Variants in ATP11B observed in about 807,000 individuals in gnomAD.
ATP11B encodes phospholipid-transporting ATPase IF.
Under a neutral mutation model 157.8 loss-of-function variants are expected in ATP11B, and 81 were observed. That is an observed-to-expected ratio of 0.51 (90% CI 0.43 to 0.62). ATP11B has a LOEUF of 0.62. ATP11B is among the 20% of genes least tolerant of loss of function. The pLI is 0.00. For missense variants in ATP11B, 1,165 were observed against 1,402.2 expected (o/e 0.83, Z 2.70); for synonymous variants, 451 against 469.4 (o/e 0.96, Z 0.51).
intron 28 of ATP11B, among the ~76,000 whole-genome samples, chr3:182,909,202 A>C (rs1724592604): frequency 6.6e-6 from 1 of 152,252 alleles, no homozygotes; most frequent in Admixed American, 6.5e-5. Context: ...TGTCATTGAC[A>C]TGAAAATAAT....
At chr3:182,895,760 C>T (rs1396141509) in intron 25 of ATP11B, among the ~76,000 whole-genome samples, 3 of 151,818 alleles carry the variant, frequency 2.0e-5, no homozygotes, top group Non-Finnish European at 2.9e-5. Flanking sequence ...CAGGTGTGGG[C>T]GGGAGGGGTC....
chr3:182,824,471 G>A lies in ATP11B; in HGVS notation c.145-3649G>A, dbSNP rs185803877. 1.9e-4 allele frequency among the ~76,000 whole-genome samples: 29 copies of A among 152,020 alleles called. No homozygotes were observed. The East Asian group carries it at 3.9e-3, about 20-fold the overall frequency. ...TTTTTTGAAATTAAACTCTCTTCCC[G>A]TTTCCATCTATATTTTGGACATTTT... On this transcript the variant is annotated intron_variant, in intron 2 of 29. Transcript: ENST00000323116.
chr3:182,830,345 A>G (rs1718040547), intron 4 of ATP11B, among the ~76,000 whole-genome samples: 1 of 151,874 alleles, frequency 6.6e-6, no homozygotes, highest in Admixed American at 6.6e-5. Flanking sequence ...AAAAATGTAT[A>G]GTCCTTTTCT....
intron 23 of ATP11B, 54 bp from the exon 24 acceptor site, chr3:182,887,532 T>C: frequency 6.5e-7 from 1 of 1,534,428 alleles, no homozygotes; most frequent in Non-Finnish European, 8.8e-7. Flanking sequence ...GTCATATGCA[T>C]AATAGTAATG....
intron 13 of ATP11B, 24 bp downstream of exon 13, chr3:182,865,722 A>G (rs1272853892): frequency 1.9e-6 from 3 of 1,567,682 alleles, no homozygotes; most frequent in African/African-American, 1.4e-5. Flanking sequence ...AAATTAATAA[A>G]TAAGGGTTTC....
intron 12 of ATP11B, among the ~76,000 whole-genome samples, chr3:182,863,016 C>T (rs371567604): frequency 6.6e-6 from 1 of 151,732 alleles, no homozygotes; most frequent in Admixed American, 6.6e-5. Context: ...CCTGGGTTCA[C>T]GCCATTCTCC....
chr3:182,889,093 C>G (rs1722995358), intron 24 of ATP11B, among the ~76,000 whole-genome samples: 1 of 151,762 alleles, frequency 6.6e-6, no homozygotes, highest in African/African-American at 2.4e-5. Context: ...GATCTCTTAA[C>G]CTTGTGATCC....
intron 1 of ATP11B, among the ~76,000 whole-genome samples, chr3:182,796,269 G>T (rs922155792): frequency 2.0e-5 from 3 of 152,074 alleles, no homozygotes; most frequent in Admixed American, 2.0e-4. Flanking sequence ...TTCTCTTATG[G>T]TGTCTTTGTG....
rs1394003413 is a variant in ATP11B, at chr3:182,918,198, T to C, written c.*94T>C. On this transcript the variant is annotated 3_prime_UTR_variant, in exon 30 of 30. Coordinates refer to ENST00000323116, the MANE Select transcript of ATP11B (RefSeq NM_014616.3). ...ATGGCCACACTAGCTCTGAAATTAATTTCCAAAATCTTTGTAGTAGTTCAT... is the reference window on the plus strand; with the variant it reads ...ATGGCCACACTAGCTCTGAAATTAACTTCCAAAATCTTTGTAGTAGTTCAT... 6.4e-7 allele frequency: 1 copy of C among 1,552,468 alleles called. No homozygotes were observed. Among genetic ancestry groups the C allele is most frequent in the Non-Finnish European group, 8.7e-7 (1 of 1,146,646 alleles).
intron 18 of ATP11B, 147 bp from the exon 19 acceptor site, chr3:182,873,665 A>G (rs1448986089): frequency 3.1e-6 from 2 of 654,998 alleles, no homozygotes; most frequent in East Asian, 2.8e-5. Context: ...AATGAGAGAA[A>G]ATTCCAGTTA....
At position 182,920,843 on chromosome 3, in the gene ATP11B, C is replaced by G. The variant is rs1292999472; in HGVS notation, c.*2739C>G. 6.6e-6 allele frequency: 1 copy of G among 152,286 alleles called. No individual in the cohort carries two copies. Among genetic ancestry groups the G allele is most frequent in the Non-Finnish European group, 1.5e-5 (1 of 68,090 alleles). The allele number at this position is 152,286 out of a possible 1,614,324, so 9.4% of individuals were successfully genotyped here. ...AGAATTTATGGTCTGAATTTTCTAA[C>G]TGTCCTCTTTCTTGGGTCTAAAGCT... On this transcript the variant is annotated 3_prime_UTR_variant, in exon 30 of 30. Transcript: ENST00000323116.
intron 7 of ATP11B, among the ~76,000 whole-genome samples, chr3:182,839,630 AAC>A (rs1718844699): frequency 3.3e-5 from 1 of 30,348 alleles, no homozygotes; most frequent in African/African-American, 1.1e-4. Flanking sequence ...TTATTTTTGA[AAC>A]AGTGTCTCGC....
chr3:182,891,864 TCA>T (rs1170420390), intron 25 of ATP11B, among the ~76,000 whole-genome samples: 1 of 152,190 alleles, frequency 6.6e-6, no homozygotes, highest in African/African-American at 2.4e-5. Context: ...TTAACCTCTC[TCA>T]GACTCAGTTT....
chr3:182,908,309 A>G (rs1724532052), intron 28 of ATP11B: 1 of 148,886 alleles, frequency 6.7e-6, no homozygotes, highest in Admixed American at 6.8e-5. Flanking sequence ...TCCTGGGTTC[A>G]AGCAGTTCTC....
At chr3:182,816,395 A>G (rs1716970998) in intron 1 of ATP11B, among the ~76,000 whole-genome samples, 1 of 152,190 alleles carries the variant, frequency 6.6e-6, no homozygotes, top group African/African-American at 2.4e-5. Flanking sequence ...TAACAAGAGA[A>G]AATGTATTAT....
Position 182,793,725 on chromosome 3 carries a change from G to C in ATP11B, c.-35G>C. 7.1e-7 allele frequency: 1 copy of C among 1,399,060 alleles called. No homozygotes were observed. Among genetic ancestry groups the C allele is most frequent in the South Asian group, 1.4e-5 (1 of 71,470 alleles). 86.7% of individuals were successfully genotyped at this position (1,399,060 alleles called of 1,614,324 possible). On this transcript the variant is annotated 5_prime_UTR_variant, in exon 1 of 30. Coordinates refer to ENST00000323116, the MANE Select transcript of ATP11B (RefSeq NM_014616.3). Reference sequence around the variant, plus strand: ...CTCCACCTGCAGCCCCGCGGCCCCCGCGCCCCGCGGGACCCGGACGGCGAC... The same window carrying C: ...CTCCACCTGCAGCCCCGCGGCCCCCCCGCCCCGCGGGACCCGGACGGCGAC...
intron 12 of ATP11B, among the ~76,000 whole-genome samples, chr3:182,864,541 T>C (rs1721085095): frequency 6.6e-6 from 1 of 152,148 alleles, no homozygotes; most frequent in Non-Finnish European, 1.5e-5. Flanking sequence ...CCAGGTACCA[T>C]TTTATTAATA....
At chr3:182,900,826 G>A in intron 28 of ATP11B, among the ~76,000 whole-genome samples, 1 of 151,358 alleles carries the variant, frequency 6.6e-6, no homozygotes. Context: ...CGGGTGGATG[G>A]CTTGAGCTCA....
chr3:182,841,995 A>AAG, intron 7 of ATP11B, 80 bp from the exon 8 acceptor site: 1 of 926,664 alleles, frequency 1.1e-6, no homozygotes, highest in Non-Finnish European at 1.7e-6. Context: ...AAAAAAAAAA[A>AAG]AACAAAGGAT....
Sources: allele counts gnomAD v4.1 joint callset (sites outside exome capture counted in the v4.1 genomes callset), GRCh38; gene constraint gnomAD v4.1.1; transcripts MANE v1.5; gene names NCBI Gene and HGNC (gene_info 2026-07-23, HGNC 2026-07-21).